The following PAMR1 variants were observed in gnomAD, a reference collection of about 807,000 sequenced individuals.
PAMR1 encodes peptidase domain containing associated with muscle regeneration 1.
PAMR1 carries 88 observed loss-of-function variants against 81.8 expected under a neutral mutation model. That is an observed-to-expected ratio of 1.08 (90% confidence interval 0.91 to 1.28). The LOEUF (loss-of-function observed/expected upper bound fraction) is 1.28, where lower values mean the gene tolerates loss of function less well. Ranked by LOEUF, PAMR1 falls within the 50% of genes most tolerant of loss-of-function variation. PAMR1 has a pLI of 0.00. For missense variants in PAMR1, 935 were observed against 919.7 expected, an observed-to-expected ratio of 1.02 and a Z score of -0.21; for synonymous variants, 336 against 345.3, an observed-to-expected ratio of 0.97 and a Z score of 0.30.
intron 1 of PAMR1, among the ~76,000 whole-genome samples, chr11:35,495,144 T>C (rs1338003414): frequency 6.6e-6 from 1 of 152,244 alleles, no homozygotes; most frequent in Non-Finnish European, 1.5e-5. Flanking sequence ...GTAGAGACTA[T>C]GTCATTTCTT....
At chr11:35,515,262 G>T (rs530330156) in intron 1 of PAMR1, among the ~76,000 whole-genome samples, 27 of 152,278 alleles carry the variant, frequency 1.8e-4, no homozygotes, top group African/African-American at 6.3e-4. Flanking sequence ...TTTGCCAAAA[G>T]CTTCCAGAAT....
In PAMR1 at chr11:35,432,460, C is replaced by T; in HGVS notation, c.2059G>A (p.Gly687Arg). 1 of 1,614,202 alleles carries T rather than the reference C, an allele frequency of 6.2e-7. No homozygotes were observed. The highest frequency in any genetic ancestry group is 1.3e-5 in the African/African-American group (1 of 75,064). ...ASPEPRWHLM[G>R]LVSWSYDKTC... is the part of the protein sequence containing the mutation. ...TTATCATAGCTCCAGCTGACCAGTC[C>T]CATCAGATGCCAGCGTGGCTCAGGA... The change falls in exon 11 of 11, where the codon GGA becomes AGA. Residue 687 changes from glycine (G) to arginine (R), a missense_variant. By Grantham distance (125) the Gly-to-Arg change is moderately radical. Transcript: ENST00000619888.
chr11:35,527,314 C>T (rs1397604763), upstream of PAMR1, among the ~76,000 whole-genome samples: 6 of 152,156 alleles, frequency 3.9e-5, no homozygotes, highest in Non-Finnish European at 8.8e-5. Context: ...CTTTGTAGAT[C>T]ACTGGAAGAA....
At chr11:35,518,850 G>A (rs1760315) in intron 1 of PAMR1, among the ~76,000 whole-genome samples, 60,622 of 151,840 alleles carry the variant, frequency 0.4, 12,953 homozygotes, top group East Asian at 0.69. Context: ...CATGAGGACA[G>A]TTGTTGTGTC....
intron 2 of PAMR1, among the ~76,000 whole-genome samples, chr11:35,493,895 C>T (rs1488911493): frequency 6.6e-6 from 1 of 152,242 alleles, no homozygotes; most frequent in Non-Finnish European, 1.5e-5. Flanking sequence ...TTCAAAGTTT[C>T]ACAAGTTTAA....
intron 1 of PAMR1, among the ~76,000 whole-genome samples, chr11:35,519,609 A>G (rs922522411): frequency 2.6e-5 from 4 of 151,988 alleles, no homozygotes; most frequent in African/African-American, 4.8e-5. Context: ...TCTGCCTGGC[A>G]CCCCTGTTTC....
At chr11:35,452,800 A>C (rs1446674885) in intron 6 of PAMR1, among the ~76,000 whole-genome samples, 1 of 152,194 alleles carries the variant, frequency 6.6e-6, no homozygotes, top group African/African-American at 2.4e-5. Context: ...GTGTTCCCAT[A>C]GTCTCACCAC....
Position 35,468,123 on chromosome 11 carries a change from G to C in PAMR1, c.713-15C>G, listed in dbSNP as rs1269024458. On this transcript the variant is annotated splice_polypyrimidine_tract_variant and intron_variant, in intron 5 of 10. Transcript: ENST00000619888. ...TGAGGAGCATGCTGTAAGAGAAAAG[G>C]CATCCTTCAGTGCCACTATACATTG... 2 of 1,491,992 alleles carry C rather than the reference G, an allele frequency of 1.3e-6. No homozygotes were observed. Among genetic ancestry groups the C allele is most frequent in the South Asian group, 1.2e-5 (1 of 82,712 alleles). The allele number at this position is 1,491,992 out of a possible 1,614,324, so 92.4% of individuals were successfully genotyped here.
chr11:35,449,098 G>T (rs1250979995), intron 6 of PAMR1, among the ~76,000 whole-genome samples: 1 of 152,210 alleles, frequency 6.6e-6, no homozygotes. Flanking sequence ...TTGTTGGGAG[G>T]TTCCACCCAG....
intron 1 of PAMR1, among the ~76,000 whole-genome samples, chr11:35,501,357 T>C (rs1436577282): frequency 6.6e-6 from 1 of 151,978 alleles, no homozygotes; most frequent in African/African-American, 2.4e-5. Context: ...GGTTTTGAAC[T>C]CCCGGGCTCA....
rs757650549 is a variant in PAMR1, at chr11:35,434,581, G to A, written c.1557C>T (p.Asp519=). ...AGAATTTCCCCAAAACAACTTTCAG[G>A]TCTGCTGTCTTGATCATGGTGACCT... ...LGKVTMIKTA[D]LKVVLGKFYR... is the part of the protein sequence containing the mutation. The change falls in exon 10 of 11, where the codon GAC becomes GAT. Residue 519 remains aspartate, a synonymous_variant. Transcript: ENST00000619888. The A allele has an allele frequency of 6.2e-7, 1 of 1,613,856 alleles. No homozygotes were observed. Among genetic ancestry groups the A allele is most frequent in the Non-Finnish European group, 8.5e-7 (1 of 1,180,014 alleles).
chr11:35,485,830 C>G (rs757531817), intron 3 of PAMR1, among the ~76,000 whole-genome samples: 1 of 152,128 alleles, frequency 6.6e-6, no homozygotes, highest in Non-Finnish European at 1.5e-5. Context: ...TTCAGAGACA[C>G]TCAGAAGGAA....
At chr11:35,526,513 GGTGTCAT>G (rs1265748422), upstream of PAMR1, among the ~76,000 whole-genome samples, 5 of 152,328 alleles carry the variant, frequency 3.3e-5, no homozygotes, top group African/African-American at 7.2e-5. Flanking sequence ...CTCCGTGCCA[GGTGTCAT>G]GTACCTTACA....
chr11:35,481,802 A>T (rs1241348727), intron 3 of PAMR1, among the ~76,000 whole-genome samples: 1 of 152,164 alleles, frequency 6.6e-6, no homozygotes, highest in Admixed American at 6.6e-5. Context: ...TATTACAGGC[A>T]TGAGCCACCT....
At chr11:35,463,338 C>A (rs776018010) in intron 6 of PAMR1, among the ~76,000 whole-genome samples, 12 of 152,162 alleles carry the variant, frequency 7.9e-5, no homozygotes, top group Non-Finnish European at 1.2e-4. Flanking sequence ...TGCTCCAAGG[C>A]GTGTCAGAGC....
intron 6 of PAMR1, among the ~76,000 whole-genome samples, chr11:35,443,180 CTT>C (rs35438792): frequency 1.7e-4 from 25 of 148,208 alleles, no homozygotes; most frequent in Admixed American, 8.7e-4. Context: ...TGCAACTGTG[CTT>C]TTTTTTTTTC....
chr11:35,449,551 G>A (rs367636976), intron 6 of PAMR1, among the ~76,000 whole-genome samples: 34 of 152,304 alleles, frequency 2.2e-4, no homozygotes, highest in African/African-American at 8.2e-4. Context: ...TGTCCAAACC[G>A]TCCGATCTTT....
chr11:35,454,642 G>A (rs1856488104), intron 6 of PAMR1, among the ~76,000 whole-genome samples: 1 of 152,096 alleles, frequency 6.6e-6, no homozygotes. Context: ...AGACATCAAG[G>A]TCCCTCATGC....
intron 1 of PAMR1, among the ~76,000 whole-genome samples, chr11:35,505,602 A>G (rs911738235): frequency 1.3e-5 from 2 of 152,122 alleles, no homozygotes; most frequent in South Asian, 2.1e-4. Flanking sequence ...TTCATATTAT[A>G]TAGTGACCTT....
Sources: gnomAD v4.1 joint callset for allele counts (sites outside exome capture counted in the v4.1 genomes callset) on GRCh38, gnomAD v4.1.1 for gene constraint, MANE v1.5 for transcripts, NCBI Gene and HGNC (gene_info 2026-07-23, HGNC 2026-07-21) for gene names.